SCLT1: variants seen among roughly 807,000 people sequenced by gnomAD.
SCLT1 encodes the protein sodium channel and clathrin linker 1.
A neutral mutation model predicts 112.8 loss-of-function variants in SCLT1; 78 were observed. The observed-to-expected ratio is 0.69, with a 90% confidence interval of 0.58 to 0.83. The LOEUF (loss-of-function observed/expected upper bound fraction) is 0.83, where lower values mean the gene tolerates loss of function less well. Ranked by LOEUF, SCLT1 falls within the 40% of genes least tolerant of loss-of-function variation. The pLI, the probability that SCLT1 is intolerant of heterozygous loss-of-function variation, is 0.00. For missense variants in SCLT1, 747 were observed against 770.4 expected (o/e 0.97, Z 0.36); for synonymous variants, 257 against 254.7 (o/e 1.01, Z -0.09).
chr4:128,960,538 C>G (rs1266583974), intron 11 of SCLT1, among the ~76,000 whole-genome samples: 1 of 152,140 alleles, frequency 6.6e-6, no homozygotes, highest in Non-Finnish European at 1.5e-5. Flanking sequence ...CTTTTGTAAG[C>G]CATATGGATT....
intron 5 of SCLT1, among the ~76,000 whole-genome samples, chr4:129,034,411 T>C (rs886590874): frequency 3.3e-5 from 5 of 151,656 alleles, no homozygotes; most frequent in Admixed American, 2.0e-4. Context: ...CTGTAACATA[T>C]TTAGTTGTAA....
At chr4:129,033,510 A>T (rs1293795846) in intron 5 of SCLT1, among the ~76,000 whole-genome samples, 18 of 148,670 alleles carry the variant, frequency 1.2e-4, no homozygotes, top group African/African-American at 3.3e-4. Context: ...AGTAAAAAAA[A>T]AAAAAAAAAA....
At chr4:129,042,252 T>C (rs55925207) in intron 4 of SCLT1, among the ~76,000 whole-genome samples, 41,058 of 152,100 alleles carry the variant, frequency 0.27, 5,938 homozygotes, top group South Asian at 0.35. Flanking sequence ...AAGAAATACT[T>C]CTATTATATG....
rs146958263 is a variant in SCLT1 at position 129,074,413 on chromosome 4, A to G, written c.102+7893T>C. ...TAAGATGAGAATAAGCATATTTCAA[A>G]ACAGAGATAGAAAATCTTTGAAAGA... On this transcript the variant is annotated intron_variant, in intron 2 of 20. Coordinates refer to ENST00000281142, the MANE Select transcript of SCLT1 (RefSeq NM_144643.4). Among the ~76,000 whole-genome samples, 980 of 152,278 alleles carry G rather than the reference A, an allele frequency of 6.4e-3. 16 individuals carry two copies. The highest frequency in any genetic ancestry group is 0.023 in the African/African-American group (942 of 41,568).
intron 2 of SCLT1, among the ~76,000 whole-genome samples, chr4:129,076,659 T>C (rs983757118): frequency 6.6e-6 from 1 of 151,194 alleles, no homozygotes; most frequent in Non-Finnish European, 1.5e-5. Flanking sequence ...TCAATTAGCC[T>C]GGGTATGAAA....
chr4:129,020,519 G>T (rs1258146221), intron 5 of SCLT1, among the ~76,000 whole-genome samples: 1 of 152,172 alleles, frequency 6.6e-6, no homozygotes, highest in Non-Finnish European at 1.5e-5. Flanking sequence ...AACAAGACTG[G>T]ATTTCTTCGG....
At chr4:128,965,903 C>T (rs982767531) in intron 10 of SCLT1, among the ~76,000 whole-genome samples, 9 of 147,766 alleles carry the variant, frequency 6.1e-5, no homozygotes, top group African/African-American at 2.0e-4. Context: ...ACGATCTTGG[C>T]TCACTGCAAC....
At chr4:128,918,845 T>A (rs1735666900) in intron 18 of SCLT1, among the ~76,000 whole-genome samples, 1 of 152,120 alleles carries the variant, frequency 6.6e-6, no homozygotes. Context: ...CATTACATAA[T>A]GGTAAAAGGT....
chr4:128,901,451 C>G (rs1379241177), intron 18 of SCLT1, among the ~76,000 whole-genome samples: 2 of 149,588 alleles, frequency 1.3e-5, no homozygotes, highest in African/African-American at 4.9e-5. Flanking sequence ...TGTTCTCACT[C>G]TTGGGTGGGA....
chr4:129,032,518 A>G (rs1746816832), intron 5 of SCLT1, among the ~76,000 whole-genome samples: 2 of 152,188 alleles, frequency 1.3e-5, no homozygotes, highest in African/African-American at 4.8e-5. Flanking sequence ...GAGCTTCTGC[A>G]CAGCAAAATA....
intron 18 of SCLT1, among the ~76,000 whole-genome samples, chr4:128,892,917 T>C (rs985061268): frequency 6.6e-6 from 1 of 152,168 alleles, no homozygotes; most frequent in Non-Finnish European, 1.5e-5. Context: ...CTTACTTTAA[T>C]GTATCTTGTG....
chr4:129,092,093 C>T (rs1752880579), intron 1 of SCLT1, among the ~76,000 whole-genome samples: 1 of 152,174 alleles, frequency 6.6e-6, no homozygotes, highest in African/African-American at 2.4e-5. Context: ...AATGCATATT[C>T]CCCGTAAAAA....
chr4:128,957,284 C>T (rs1438388393), intron 12 of SCLT1, among the ~76,000 whole-genome samples, 160 bp from the exon 13 acceptor site: 1 of 152,096 alleles, frequency 6.6e-6, no homozygotes, highest in East Asian at 1.9e-4. Context: ...TTTTCCCTAA[C>T]CTCCTCACCT....
intron 11 of SCLT1, among the ~76,000 whole-genome samples, chr4:128,962,854 A>G (rs1739861570): frequency 6.6e-6 from 1 of 152,226 alleles, no homozygotes; most frequent in Admixed American, 6.5e-5. Flanking sequence ...CTAATCTTGA[A>G]GAAAAACAAT....
At chr4:128,975,717 T>C (rs1741112961) in intron 9 of SCLT1, among the ~76,000 whole-genome samples, 1 of 152,164 alleles carries the variant, frequency 6.6e-6, no homozygotes, top group Non-Finnish European at 1.5e-5. Flanking sequence ...AATTACCCAG[T>C]ATAATAAAGC....
intron 2 of SCLT1, among the ~76,000 whole-genome samples, chr4:129,062,184 G>A (rs780533168): frequency 2.3e-4 from 35 of 152,114 alleles, no homozygotes; most frequent in Non-Finnish European, 4.4e-4. Context: ...TTGGGGGTTG[G>A]TGTAATGGAA....
chr4:128,955,211 G>A (rs1468673659), intron 13 of SCLT1, among the ~76,000 whole-genome samples: 1 of 152,202 alleles, frequency 6.6e-6, no homozygotes, highest in Non-Finnish European at 1.5e-5. Context: ...CAGTGAGGTA[G>A]TTTACTGTGA....
At chr4:128,966,938 A>T (rs1253141343) in intron 10 of SCLT1, among the ~76,000 whole-genome samples, 1 of 150,910 alleles carries the variant, frequency 6.6e-6, no homozygotes, top group East Asian at 2.0e-4. Flanking sequence ...GGGGTTTGGT[A>T]TACCGATTAT....
chr4:129,005,751 G>C (rs1461095103), intron 5 of SCLT1, among the ~76,000 whole-genome samples: 2 of 150,354 alleles, frequency 1.3e-5, no homozygotes, highest in Non-Finnish European at 1.5e-5. Context: ...CAATAGCAAA[G>C]ACTTGGAACC....
Sources: allele counts gnomAD v4.1 joint callset (sites outside exome capture counted in the v4.1 genomes callset), GRCh38; gene constraint gnomAD v4.1.1; transcripts MANE v1.5; gene names NCBI Gene and HGNC (gene_info 2026-07-23, HGNC 2026-07-21).